CORO2B: variants seen among roughly 807,000 people sequenced by gnomAD.
The protein encoded by CORO2B is coronin 2B, also known as coronin-2B.
Under a neutral mutation model 58.8 loss-of-function variants are expected in CORO2B, and 26 were observed. That is an observed-to-expected ratio of 0.44 (90% CI 0.32 to 0.61). CORO2B has a LOEUF of 0.61. Among genes scored for constraint, CORO2B ranks in the 20% least tolerant of loss-of-function variants. The pLI, the probability that CORO2B is intolerant of heterozygous loss-of-function variation, is 0.04. For synonymous variants in CORO2B, 242 were observed against 253.8 expected (o/e 0.95, Z 0.44); for missense variants, 460 against 645.1 (o/e 0.71, Z 3.11).
chr15:68,699,237 G>C (rs1020775744), intron 3 of CORO2B, among the ~76,000 whole-genome samples: 4 of 152,080 alleles, frequency 2.6e-5, no homozygotes, highest in African/African-American at 9.7e-5. Flanking sequence ...GAAGGCTTAG[G>C]GTTCAGGGTG....
intron 2 of CORO2B, among the ~76,000 whole-genome samples, chr15:68,674,609 G>A (rs949914460): frequency 3.3e-5 from 5 of 152,180 alleles, no homozygotes; most frequent in Non-Finnish European, 7.4e-5. Flanking sequence ...TTGCACTGGC[G>A]GTGGGGTGGA....
the CORO2B span, among the ~76,000 whole-genome samples, chr15:68,550,195 CT>C: frequency 1.3e-5 from 2 of 152,098 alleles, no homozygotes; most frequent in Admixed American, 1.3e-4. Flanking sequence ...GAATTTGAAG[CT>C]GCTTCTTTCT....
the CORO2B span, among the ~76,000 whole-genome samples, chr15:68,549,799 G>C: frequency 6.6e-6 from 1 of 152,066 alleles, no homozygotes. Flanking sequence ...CAACTATCTG[G>C]GCATTGCGGC....
At chr15:68,631,962 A>G (rs1900845487) in intron 1 of CORO2B, 1 of 985,344 alleles carries the variant, frequency 1.0e-6, no homozygotes, top group Non-Finnish European at 1.2e-6. Flanking sequence ...GCATCGCTGG[A>G]GTGGGCTCTC....
chr15:68,715,832 C>T (rs1233029712), intron 8 of CORO2B, among the ~76,000 whole-genome samples: 1 of 152,182 alleles, frequency 6.6e-6, no homozygotes. Context: ...TGAGTGAGAC[C>T]CCACATTCTC....
rs770804249 is a variant in CORO2B at position 68,718,823 on chromosome 15, G to A, written c.1080+13G>A. 4 of 1,602,906 alleles carry A rather than the reference G, an allele frequency of 2.5e-6. No individual in the cohort carries two copies. Among genetic ancestry groups the A allele is most frequent in the East Asian group, 2.2e-5 (1 of 44,802 alleles). Reference sequence around the variant, plus strand: ...CGTGCCCCGGAGGGTAAGTGGGGCTGGGCTGGGCTCCAGGAGGGGGGCCTG... The same window carrying A: ...CGTGCCCCGGAGGGTAAGTGGGGCTAGGCTGGGCTCCAGGAGGGGGGCCTG... On this transcript the variant is annotated intron_variant, in intron 9 of 11. Transcript: ENST00000261861.
At chr15:68,699,514 G>A (rs1327209168) in intron 3 of CORO2B, among the ~76,000 whole-genome samples, 2 of 151,888 alleles carry the variant, frequency 1.3e-5, no homozygotes, top group East Asian at 3.9e-4. Context: ...AGGAAGGGAG[G>A]GGCTGGCCTG....
At chr15:68,725,452 A>T (rs1423281427) in intron 11 of CORO2B, among the ~76,000 whole-genome samples, 1 of 152,036 alleles carries the variant, frequency 6.6e-6, no homozygotes, top group African/African-American at 2.4e-5. Flanking sequence ...ATGTATTATT[A>T]TACATCTATT....
Position 68,727,533 on chromosome 15 carries a change from G to T in CORO2B, c.*1559G>T, listed in dbSNP as rs976402649. 2 of 152,042 alleles carry T rather than the reference G, an allele frequency of 1.3e-5. No individual in the cohort carries two copies. The highest frequency in any genetic ancestry group is 4.8e-5 in the African/African-American group (2 of 41,310). 9.4% of individuals were successfully genotyped at this position (152,042 alleles called of 1,614,324 possible). On this transcript the variant is annotated 3_prime_UTR_variant, in exon 12 of 12. Coordinates refer to ENST00000261861, the MANE Select transcript of CORO2B (RefSeq NM_006091.5). ...CTCCATACCTGCTTTTCCCATGGCCGCCCTACGGAAAATCCCATCCACAGA... is the reference window on the plus strand; with the variant it reads ...CTCCATACCTGCTTTTCCCATGGCCTCCCTACGGAAAATCCCATCCACAGA...
At chr15:68,680,729 G>A (rs1902753060) in intron 2 of CORO2B, among the ~76,000 whole-genome samples, 1 of 152,166 alleles carries the variant, frequency 6.6e-6, no homozygotes. Context: ...TGGCTTTGCC[G>A]CTGTGTTAGT....
chr15:68,663,298 T>C (rs2140288600), intron 2 of CORO2B, among the ~76,000 whole-genome samples: 1 of 152,382 alleles, frequency 6.6e-6, no homozygotes, highest in Non-Finnish European at 1.5e-5. Flanking sequence ...AGCCACATTT[T>C]GCCTATTGAT....
chr15:68,574,166 A>G (rs1417192832), upstream of CORO2B, among the ~76,000 whole-genome samples: 1 of 152,166 alleles, frequency 6.6e-6, no homozygotes, highest in Non-Finnish European at 1.5e-5. Flanking sequence ...GGCAAGTCCG[A>G]GTGGCCCAGC....
chr15:68,645,037 G>A lies in CORO2B; in HGVS notation c.16-123G>A. On this transcript the variant is annotated intron_variant, in intron 1 of 11. Transcript: ENST00000261861. This position sits in a 1 kb window ranked among gnomAD's most constrained non-coding sequence, Gnocchi z 4.5. The stretch of plus-strand genomic sequence containing the variant: ...CTTCCTTTCCATCTCTTCCTGACAG[G>A]GGACCCAGGGCCTGCTCACCTGCTG... 1 of 925,272 alleles carries A rather than the reference G, an allele frequency of 1.1e-6. No individual in the cohort carries two copies. The highest frequency in any genetic ancestry group is 1.6e-6 in the Non-Finnish European group (1 of 616,086). 57.3% of individuals were successfully genotyped at this position (925,272 alleles called of 1,614,324 possible).
At chr15:68,664,971 C>A (rs2140290148) in intron 2 of CORO2B, among the ~76,000 whole-genome samples, 1 of 148,646 alleles carries the variant, frequency 6.7e-6, no homozygotes, top group African/African-American at 2.5e-5. Context: ...TTTTGCAGTG[C>A]AGATTTATTT....
chr15:68,556,768 G>A, the CORO2B span, among the ~76,000 whole-genome samples: 1 of 152,176 alleles, frequency 6.6e-6, no homozygotes, highest in African/African-American at 2.4e-5. Flanking sequence ...ACTCGTGACT[G>A]TGGCTGCCGA....
At chr15:68,605,300 G>A (rs1476316228) in intron 1 of CORO2B, among the ~76,000 whole-genome samples, 4 of 152,130 alleles carry the variant, frequency 2.6e-5, no homozygotes, top group African/African-American at 9.7e-5. Context: ...CCATAAAAAT[G>A]TCCATATCCT....
intron 1 of CORO2B, among the ~76,000 whole-genome samples, chr15:68,622,105 G>C (rs1595973001): frequency 6.6e-6 from 1 of 152,150 alleles, no homozygotes; most frequent in East Asian, 1.9e-4. Flanking sequence ...CTTTAAAATG[G>C]GGATAATCTC....
At chr15:68,703,413 A>G (rs1453035482) in intron 3 of CORO2B, among the ~76,000 whole-genome samples, 1 of 152,014 alleles carries the variant, frequency 6.6e-6, no homozygotes, top group Admixed American at 6.5e-5. Flanking sequence ...GGCCTCCCAA[A>G]GTGCTGGGAT....
chr15:68,672,248 T>C (rs2140296348), intron 2 of CORO2B, among the ~76,000 whole-genome samples: 1 of 151,836 alleles, frequency 6.6e-6, no homozygotes, highest in African/African-American at 2.4e-5. Flanking sequence ...TTTTTAAAAA[T>C]TTTTTGAGAC....
Sources: allele counts gnomAD v4.1 joint callset (sites outside exome capture counted in the v4.1 genomes callset), GRCh38; gene constraint gnomAD v4.1.1; non-coding constraint Gnocchi (gnomAD v3.1); transcripts MANE v1.5; gene names NCBI Gene and HGNC (gene_info 2026-07-23, HGNC 2026-07-21).